The following RPS6KA5 variants were observed in gnomAD, a reference collection of about 807,000 sequenced individuals.
RPS6KA5 encodes ribosomal protein S6 kinase A5, also known as ribosomal protein S6 kinase alpha-5.
Under a neutral mutation model 85.5 loss-of-function variants are expected in RPS6KA5, and 27 were observed. That is an observed-to-expected ratio of 0.32 (90% CI 0.23 to 0.44). The LOEUF (loss-of-function observed/expected upper bound fraction) is 0.44. Ranked by LOEUF, RPS6KA5 falls within the 20% of genes least tolerant of loss-of-function variation. The pLI is 1.00. For missense variants in RPS6KA5, 811 were observed against 980.9 expected (o/e 0.83, Z 2.31); for synonymous variants, 334 against 348.2 (o/e 0.96, Z 0.46).
chr14:91,032,337 G>A (rs1050050598), intron 1 of RPS6KA5, among the ~76,000 whole-genome samples: 10 of 152,136 alleles, frequency 6.6e-5, no homozygotes, highest in African/African-American at 2.2e-4. Flanking sequence ...GGGCTTCCTG[G>A]CTCCAGACTC....
intron 1 of RPS6KA5, chr14:91,060,010 T>C: frequency 1.0e-6 from 1 of 981,342 alleles, no homozygotes; most frequent in Non-Finnish European, 1.2e-6. Flanking sequence ...CAGACACACG[T>C]GTGTCACCTG....
chr14:90,984,625 AG>A (rs755617265), intron 2 of RPS6KA5, among the ~76,000 whole-genome samples: 3 of 152,214 alleles, frequency 2.0e-5, no homozygotes, highest in Non-Finnish European at 4.4e-5. Flanking sequence ...ACTGAACCAA[AG>A]GAAGTGTCAT....
At chr14:90,971,421 C>T in intron 3 of RPS6KA5, among the ~76,000 whole-genome samples, 1 of 152,148 alleles carries the variant, frequency 6.6e-6, no homozygotes, top group African/African-American at 2.4e-5. Context: ...ACCATCTAGC[C>T]CTTCACTGGT....
intron 1 of RPS6KA5, among the ~76,000 whole-genome samples, chr14:91,014,577 TG>T (rs2041403720): frequency 6.6e-6 from 1 of 151,832 alleles, no homozygotes; most frequent in South Asian, 2.1e-4. Context: ...ATTTTCTTAA[TG>T]TTTATTTGGT....
chr14:91,045,160 A>G (rs183838014), intron 1 of RPS6KA5, among the ~76,000 whole-genome samples: 1 of 152,322 alleles, frequency 6.6e-6, no homozygotes, highest in African/African-American at 2.4e-5. Context: ...TTATGCAGCA[A>G]TAGAAAATAA....
chr14:90,921,356 T>G (rs932488529), intron 6 of RPS6KA5, among the ~76,000 whole-genome samples: 1 of 152,322 alleles, frequency 6.6e-6, no homozygotes, highest in Non-Finnish European at 1.5e-5. Context: ...ATTTAATAAC[T>G]GTCAGGTTGT....
rs200580839 is a variant in RPS6KA5 at position 90,943,274 on chromosome 14, T to TA, written c.511-90_511-89insT. ...TCTCGTCTACCTTTATTTATTTATT[T>TA]TTTTTTTTAAGGCATTTCCCTCCTC... On this transcript the variant is annotated intron_variant, in intron 4 of 16. Transcript: ENST00000614987. The TA allele has an allele frequency of 6.1e-3, 4,568 of 753,988 alleles. 27 individuals carry two copies. The highest frequency in any genetic ancestry group is 5.1e-3 in the East Asian group (182 of 35,848). The allele number at this position is 753,988 out of a possible 1,614,324, so 46.7% of individuals were successfully genotyped here.
intron 3 of RPS6KA5, among the ~76,000 whole-genome samples, chr14:90,963,350 A>C (rs537188859): frequency 2.3e-4 from 35 of 152,280 alleles, no homozygotes; most frequent in African/African-American, 1.2e-4. Flanking sequence ...ACTAAAGTGG[A>C]GTTTGCCACG....
At chr14:90,942,193 A>T (rs2037608164) in intron 5 of RPS6KA5, among the ~76,000 whole-genome samples, 1 of 152,172 alleles carries the variant, frequency 6.6e-6, no homozygotes, top group Non-Finnish European at 1.5e-5. Flanking sequence ...TAATTTCAGC[A>T]CTTATCTCAC....
chr14:90,947,155 T>A (rs1172809749), intron 4 of RPS6KA5, among the ~76,000 whole-genome samples: 3 of 152,246 alleles, frequency 2.0e-5, no homozygotes, highest in Admixed American at 6.5e-5. Flanking sequence ...TTAAAAGCTT[T>A]TATTATAATG....
At chr14:91,009,567 T>C (rs915404808) in intron 1 of RPS6KA5, among the ~76,000 whole-genome samples, 1 of 152,170 alleles carries the variant, frequency 6.6e-6, no homozygotes. Flanking sequence ...TTAATTATTG[T>C]AGCCTGAACA....
intron 1 of RPS6KA5, among the ~76,000 whole-genome samples, chr14:91,036,740 C>T (rs1439120639): frequency 6.6e-6 from 1 of 152,204 alleles, no homozygotes. Flanking sequence ...TCAGAATTGT[C>T]AATTGTCTGT....
chr14:90,985,468 A>G (rs1298791324), intron 2 of RPS6KA5, among the ~76,000 whole-genome samples: 1 of 152,368 alleles, frequency 6.6e-6, no homozygotes, highest in East Asian at 1.9e-4. Flanking sequence ...CAACTTGGAC[A>G]TGCTGTTCTC....
rs201409097 is a variant in RPS6KA5, at chr14:90,863,347, A to AATAT, written c.*8723_*8726dup. The AATAT allele has an allele frequency of 6.8e-6, 1 of 147,262 alleles. No individual in the cohort carries two copies. Among genetic ancestry groups the AATAT allele is most frequent in the Non-Finnish European group, 1.5e-5 (1 of 66,600 alleles). 9.1% of individuals were successfully genotyped at this position (147,262 alleles called of 1,614,324 possible). On this transcript the variant is annotated 3_prime_UTR_variant, in exon 17 of 17. Coordinates refer to ENST00000614987, the MANE Select transcript of RPS6KA5 (RefSeq NM_004755.4). ...AAAAAAAAAGAAAAGAAAAGAAAAA[A>AATAT]ATATATATATATAGAATAGAAAAAT...
rs2031894672 is a variant in RPS6KA5, at chr14:90,849,733, G to A, written c.*22341C>T. ...AGTTAAAGGGATTTACTTTATTGAT[G>A]CTAATGTAGGGGTCAGCTAACAGTA... On this transcript the variant is annotated 3_prime_UTR_variant, in exon 17 of 17. Coordinates refer to ENST00000614987, the MANE Select transcript of RPS6KA5 (RefSeq NM_004755.4). The A allele has an allele frequency of 6.6e-6, 1 of 152,208 alleles. No homozygotes were observed. 9.4% of individuals were successfully genotyped at this position (152,208 alleles called of 1,614,324 possible). A position where few individuals can be genotyped will look rare whatever the true frequency, so the allele number is the denominator to read the frequency against.
intron 3 of RPS6KA5, among the ~76,000 whole-genome samples, chr14:90,957,037 A>G (rs1032523345): frequency 7.8e-5 from 11 of 140,718 alleles, no homozygotes; most frequent in African/African-American, 2.9e-4. Context: ...TCCATCCCCA[A>G]CCCTGGTGTT....
chr14:91,033,558 C>T (rs549148681), intron 1 of RPS6KA5, among the ~76,000 whole-genome samples: 8 of 152,252 alleles, frequency 5.3e-5, no homozygotes, highest in South Asian at 2.1e-4. Context: ...GCCGAGATCA[C>T]GCCACTGCAC....
chr14:91,029,765 A>T (rs1173514755), intron 1 of RPS6KA5, among the ~76,000 whole-genome samples: 2 of 152,222 alleles, frequency 1.3e-5, no homozygotes, highest in Non-Finnish European at 2.9e-5. Flanking sequence ...TAAGATAATA[A>T]ATGTACACCA....
At chr14:90,907,700 G>C (rs2035589112) in intron 7 of RPS6KA5, among the ~76,000 whole-genome samples, 1 of 152,146 alleles carries the variant, frequency 6.6e-6, no homozygotes, top group Admixed American at 6.5e-5. Context: ...GGTAAAACAA[G>C]GAAAGAAAGG....
Sources: allele counts gnomAD v4.1 joint callset (sites outside exome capture counted in the v4.1 genomes callset), GRCh38; gene constraint gnomAD v4.1.1; transcripts MANE v1.5; gene names NCBI Gene and HGNC (gene_info 2026-07-23, HGNC 2026-07-21).